ITIH1: variants seen among roughly 807,000 people sequenced by gnomAD.
ITIH1 encodes the protein inter-alpha-trypsin inhibitor heavy chain H1.
A neutral mutation model predicts 104.6 loss-of-function variants in ITIH1; 94 were observed. The ratio of observed to expected loss-of-function variants is 0.90; its 90% CI spans 0.76 to 1.07. The LOEUF is 1.07. Among genes scored for constraint, ITIH1 ranks in the 50% least tolerant of loss-of-function variants. The pLI is 0.00. For synonymous variants in ITIH1, 455 were observed against 464.4 expected, an observed-to-expected ratio of 0.98 and a Z score of 0.26; for missense variants, 1,193 against 1,181.4, an observed-to-expected ratio of 1.01 and a Z score of -0.14.
chr3:52,780,484 G>A, intron 6 of ITIH1, 102 bp downstream of exon 6: 1 of 737,972 alleles, frequency 1.4e-6, no homozygotes, highest in Non-Finnish European at 2.3e-6. Flanking sequence ...CCAGGCAGGG[G>A]CTGTGGTCTG....
Position 52,779,089 on chromosome 3 carries a change from C to T in ITIH1, c.410+43C>T, listed in dbSNP as rs754425863. On this transcript the variant is annotated intron_variant, in intron 4 of 21. Coordinates refer to ENST00000273283, the MANE Select transcript of ITIH1 (RefSeq NM_002215.4). The surrounding 1 kb of genome is among the most constrained non-coding windows in gnomAD (Gnocchi z 4.4). ...TGGTCTCATCTCTAGGGCTGCCCTCCCCAGCCAGGACAGGTCTGATGGCTG... is the reference window on the plus strand; with the variant it reads ...TGGTCTCATCTCTAGGGCTGCCCTCTCCAGCCAGGACAGGTCTGATGGCTG... 4 of 1,361,254 alleles carry T rather than the reference C, an allele frequency of 2.9e-6. No homozygotes were observed. The East Asian group carries it at 6.8e-5, about 23-fold the overall frequency. The allele number at this position is 1,361,254 out of a possible 1,614,324, so 84.3% of individuals were successfully genotyped here.
At chr3:52,786,580 C>T (rs1699210376) in intron 13 of ITIH1, 146 bp downstream of exon 13, 12 of 863,136 alleles carry the variant, frequency 1.4e-5, no homozygotes, top group Admixed American at 2.8e-5. Flanking sequence ...TTAATATCAA[C>T]CAGTCAGTCA....
intron 13 of ITIH1, 80 bp downstream of exon 13, chr3:52,786,514 G>A: frequency 7.3e-7 from 1 of 1,368,684 alleles, no homozygotes; most frequent in Non-Finnish European, 1.0e-6. Context: ...CAGAGGAGGG[G>A]TGGTTCTGGG....
At chr3:52,788,492 C>G (rs1217554582) in intron 18 of ITIH1, 147 bp downstream of exon 18, 1 of 630,164 alleles carries the variant, frequency 1.6e-6, no homozygotes, top group South Asian at 1.9e-5. Context: ...TGCCTTCCCA[C>G]GCCATCCTCC....
At chr3:52,791,717 G>C in intron 21 of ITIH1, 65 bp from the exon 22 acceptor site, 1 of 1,606,088 alleles carries the variant, frequency 6.2e-7, no homozygotes, top group Non-Finnish European at 8.5e-7. Flanking sequence ...GGTGGGGTGA[G>C]CTTCCTGGGG....
At chr3:52,781,210 TCTTCTTCTTCTTCTTCTTC>T (rs1699035305) in intron 6 of ITIH1, among the ~76,000 whole-genome samples, 13 of 21,248 alleles carry the variant, frequency 6.1e-4, no homozygotes, top group Admixed American at 1.8e-3. Context: ...TTTTTTTTTT[TCTTCTTCTTCTTCTTCTTC>T]TTCTTCTTCT....
At chr3:52,789,529 G>A in intron 18 of ITIH1, 124 bp from the exon 19 acceptor site, 1 of 794,766 alleles carries the variant, frequency 1.3e-6, no homozygotes, top group South Asian at 1.6e-5. Context: ...CCTGAGGCAG[G>A]AGACTCTCAA....
chr3:52,785,542 T>C (rs1699177822), intron 12 of ITIH1, among the ~76,000 whole-genome samples: 1 of 152,234 alleles, frequency 6.6e-6, no homozygotes. Context: ...TCCCTTCTCA[T>C]TTGATAACCA....
chr3:52,785,433 A>G lies in ITIH1; in HGVS notation c.1593+204A>G, dbSNP rs138841807. Among the ~76,000 whole-genome samples the G allele has an allele frequency of 2.9e-4, 44 of 152,342 alleles. No homozygotes were observed. In the East Asian group the frequency reaches 8.1e-3, roughly 28 times the overall value. On this transcript the variant is annotated intron_variant, in intron 12 of 21. Transcript: ENST00000273283. ...GGCTGGATTGGCTGGAATGGGGCCA[A>G]TATGGCCTTTATCAGTTGCAGTCCC...
chr3:52,790,781 T>C lies in ITIH1; in HGVS notation c.2354T>C (p.Leu785Pro). The change falls in exon 20 of 22, where the codon CTG (leucine) becomes CCG (proline). Residue 785 changes from leucine to proline, a missense_variant. Leu to Pro is a moderately conservative substitution (Grantham distance 98, BLOSUM62 -3). Coordinates refer to ENST00000273283, the MANE Select transcript of ITIH1 (RefSeq NM_002215.4). ...GTGACCATCAACAAGAAGAGGAACCTGGTGGTGTCTGTGGACGACGGTGGC... is the reference window on the plus strand; with the variant it reads ...GTGACCATCAACAAGAAGAGGAACCCGGTGGTGTCTGTGGACGACGGTGGC... ...VVVTINKKRN[L>P]VVSVDDGGTF... 1 of 1,613,024 alleles carries C rather than the reference T, an allele frequency of 6.2e-7. No homozygotes were observed. The highest frequency in any genetic ancestry group is 8.5e-7 in the Non-Finnish European group (1 of 1,179,606).
intron 6 of ITIH1, 62 bp downstream of exon 6, chr3:52,780,444 C>T: frequency 2.6e-6 from 3 of 1,143,786 alleles, no homozygotes; most frequent in Non-Finnish European, 3.9e-6. Flanking sequence ...CTGCCCACCC[C>T]TTATGGAATG....
At chr3:52,782,754 A>G (rs769252646) in intron 8 of ITIH1, among the ~76,000 whole-genome samples, 15 of 151,922 alleles carry the variant, frequency 9.9e-5, no homozygotes, top group Admixed American at 4.6e-4. Context: ...TCTTTTCCCC[A>G]TGGTGGGTTC....
Position 52,778,375 on chromosome 3 carries a change from C to A in ITIH1, c.174C>A (p.Val58=). The change falls in exon 3 of 22, where the codon GTC becomes GTA. Residue 58 remains valine, a synonymous_variant. Coordinates refer to ENST00000273283, the MANE Select transcript of ITIH1 (RefSeq NM_002215.4). ...VDGVFIRSLK[V]NCKVTSRFAH... is the part of the protein sequence containing the mutation. ...GCGTGTTCATCCGGAGTTTGAAAGT[C>A]AACTGCAAAGTCACCTCTCGCTTCG... 1 of 1,614,214 alleles carries A rather than the reference C, an allele frequency of 6.2e-7. No homozygotes were observed. The highest frequency in any genetic ancestry group is 8.5e-7 in the Non-Finnish European group (1 of 1,180,038).
Position 52,791,690 on chromosome 3 carries a change from C to T in ITIH1, c.2606+62C>T, listed in dbSNP as rs867580486. On this transcript the variant is annotated intron_variant, in intron 21 of 21. Transcript: ENST00000273283. The stretch of plus-strand genomic sequence containing the variant: ...CCACTTTGTAGTTCTTCCAGGTCTT[C>T]CTCCAGGTGTCACATGGGTGGGGTG... 29 of 1,607,666 alleles carry T rather than the reference C, an allele frequency of 1.8e-5. 1 individual carries two copies. In the South Asian group the frequency reaches 3.1e-4, roughly 17 times the overall value.
intron 20 of ITIH1, 85 bp from the exon 21 acceptor site, chr3:52,791,432 C>G: frequency 1.8e-6 from 2 of 1,110,710 alleles, no homozygotes; most frequent in East Asian, 2.4e-5. Context: ...CAGCAATGCT[C>G]TAACCCCGCA....
intron 11 of ITIH1, 27 bp from the exon 12 acceptor site, chr3:52,785,017 C>A: frequency 1.2e-6 from 2 of 1,612,436 alleles, no homozygotes; most frequent in Non-Finnish European, 1.7e-6. Context: ...GTGCTCAGCT[C>A]TAAGGCTGCA....
At chr3:52,790,590 T>G in intron 19 of ITIH1, 159 bp from the exon 20 acceptor site, 1 of 694,222 alleles carries the variant, frequency 1.4e-6, no homozygotes. Context: ...AAGCAACATG[T>G]GGGGAGGGGC....
intron 6 of ITIH1, 37 bp from the exon 7 acceptor site, chr3:52,781,903 A>G (rs1219454198): frequency 6.2e-7 from 1 of 1,611,684 alleles, no homozygotes; most frequent in Non-Finnish European, 8.5e-7. Flanking sequence ...TTGTGGTTAC[A>G]CAGACCAGTA....
intron 12 of ITIH1, among the ~76,000 whole-genome samples, chr3:52,785,514 G>C (rs142873472): frequency 1.7e-4 from 26 of 152,352 alleles, no homozygotes; most frequent in African/African-American, 5.5e-4. Context: ...AGGTGCAAGA[G>C]AGCAAGAGAC....
Sources: gnomAD v4.1 joint callset for allele counts (sites outside exome capture counted in the v4.1 genomes callset) on GRCh38, gnomAD v4.1.1 for gene constraint, Gnocchi (gnomAD v3.1) non-coding constraint, MANE v1.5 for transcripts, NCBI Gene and HGNC (gene_info 2026-07-23, HGNC 2026-07-21) for gene names.